CDK6: variants seen among roughly 807,000 people sequenced by gnomAD.
The protein encoded by CDK6 is cyclin dependent kinase 6.
Under a neutral mutation model 37.1 loss-of-function variants are expected in CDK6, and 6 were observed. The ratio of observed to expected loss-of-function variants is 0.16; its 90% CI spans 0.09 to 0.32. The LOEUF is 0.32. CDK6 is among the 10% of genes least tolerant of loss of function. The pLI is 1.00. For missense variants in CDK6, 224 were observed against 418.9 expected, an observed-to-expected ratio of 0.53 and a Z score of 4.06; for synonymous variants, 160 against 161.3, an observed-to-expected ratio of 0.99 and a Z score of 0.06.
chr7:92,796,979 G>A (rs1226736588), intron 2 of CDK6, among the ~76,000 whole-genome samples: 1 of 152,088 alleles, frequency 6.6e-6, no homozygotes, highest in African/African-American at 2.4e-5. Flanking sequence ...TGGGGATGAG[G>A]ATGATCTACC....
chr7:92,723,441 T>C (rs553430394), intron 4 of CDK6, among the ~76,000 whole-genome samples: 2 of 152,136 alleles, frequency 1.3e-5, no homozygotes, highest in Middle Eastern at 3.4e-3. Flanking sequence ...GGAAGAGGAG[T>C]GTAGTCTTTT....
intron 2 of CDK6, among the ~76,000 whole-genome samples, chr7:92,777,351 G>A (rs1284436266): frequency 6.6e-6 from 1 of 152,170 alleles, no homozygotes; most frequent in African/African-American, 2.4e-5. Flanking sequence ...TCCTGCCTCA[G>A]CCAAGTACTA....
intron 5 of CDK6, among the ~76,000 whole-genome samples, chr7:92,631,925 G>A (rs982548586): frequency 2.0e-5 from 3 of 152,096 alleles, no homozygotes; most frequent in African/African-American, 7.2e-5. Flanking sequence ...ATTGATACAA[G>A]GAATAAAAAT....
At chr7:92,765,356 A>G (rs1245946627) in intron 3 of CDK6, among the ~76,000 whole-genome samples, 1 of 152,156 alleles carries the variant, frequency 6.6e-6, no homozygotes, top group Non-Finnish European at 1.5e-5. Context: ...TAAGGAGAAT[A>G]TATCTTATAG....
At chr7:92,748,955 A>T (rs1436485253) in intron 3 of CDK6, among the ~76,000 whole-genome samples, 1 of 152,116 alleles carries the variant, frequency 6.6e-6, no homozygotes, top group South Asian at 2.1e-4. Flanking sequence ...TAATCCCAGC[A>T]TGTGGGAGGC....
chr7:92,739,462 G>GTATTTCT (rs1798867722), intron 3 of CDK6, among the ~76,000 whole-genome samples: 1 of 152,174 alleles, frequency 6.6e-6, no homozygotes, highest in Non-Finnish European at 1.5e-5. Context: ...CCTTCCATCT[G>GTATTTCT]TATTTCTTAT....
chr7:92,673,307 G>A (rs534058510), intron 4 of CDK6, among the ~76,000 whole-genome samples: 2 of 152,314 alleles, frequency 1.3e-5, no homozygotes, highest in Admixed American at 6.5e-5. Context: ...GTCTTTAGAT[G>A]ATTATATGGC....
chr7:92,813,336 A>T (rs1001760428), intron 2 of CDK6, among the ~76,000 whole-genome samples: 7 of 149,246 alleles, frequency 4.7e-5, no homozygotes, highest in Admixed American at 3.3e-4. Context: ...GCTTGCTTTT[A>T]AAAAAAAAAT....
chr7:92,826,139 CACTT>C (rs1230864440), intron 2 of CDK6, among the ~76,000 whole-genome samples: 1 of 151,994 alleles, frequency 6.6e-6, no homozygotes, highest in African/African-American at 2.4e-5. Flanking sequence ...TGATTTCACT[CACTT>C]GTTACGTATT....
chr7:92,626,484 A>G (rs1430752746), intron 5 of CDK6, among the ~76,000 whole-genome samples: 1 of 152,112 alleles, frequency 6.6e-6, no homozygotes, highest in Non-Finnish European at 1.5e-5. Context: ...GAAGTAAAGT[A>G]ACATCTAAGG....
chr7:92,684,553 T>A (rs1411661709), intron 4 of CDK6, among the ~76,000 whole-genome samples: 1 of 152,158 alleles, frequency 6.6e-6, no homozygotes, highest in Non-Finnish European at 1.5e-5. Context: ...GGCATGTCTA[T>A]GCTGTTCCCT....
intron 2 of CDK6, among the ~76,000 whole-genome samples, chr7:92,819,052 T>G (rs1247865762): frequency 6.6e-6 from 1 of 152,078 alleles, no homozygotes; most frequent in African/African-American, 2.4e-5. Context: ...GTCAGCAATC[T>G]ACCTGTAGGT....
chr7:92,780,763 CA>C lies in CDK6; in HGVS notation c.234-5933del, dbSNP rs1190033630. Among the ~76,000 whole-genome samples, 312 of 47,878 alleles carry C rather than the reference CA, an allele frequency of 6.5e-3. No homozygotes were observed. The Middle Eastern group carries it at 0.11, about 17-fold the overall frequency. The allele number at this position is 47,878 out of a possible 152,430, so 31.4% of individuals were successfully genotyped here. A position where few individuals can be genotyped will look rare whatever the true frequency, so the allele number is the denominator to read the frequency against. ...CTGGGCAATGAGCGAGACTCCATCT[CA>C]AAAAAAAAAAAAAAACAAAAAAACA... On this transcript the variant is annotated intron_variant, in intron 2 of 7. Coordinates refer to ENST00000424848, the MANE Select transcript of CDK6 (RefSeq NM_001145306.2).
At position 92,608,899 on chromosome 7, in the gene CDK6, C is replaced by G. The variant is rs779548814; in HGVS notation, c.*6241G>C. 1 of 232,644 alleles carries G rather than the reference C, an allele frequency of 4.3e-6. No individual in the cohort carries two copies. Among genetic ancestry groups the G allele is most frequent in the Non-Finnish European group, 8.5e-6 (1 of 117,640 alleles). 14.4% of individuals were successfully genotyped at this position (232,644 alleles called of 1,614,324 possible). A position where few individuals can be genotyped will look rare whatever the true frequency, so the allele number is the denominator to read the frequency against. On this transcript the variant is annotated 3_prime_UTR_variant, in exon 8 of 8. Coordinates refer to ENST00000424848, the MANE Select transcript of CDK6 (RefSeq NM_001145306.2). Reference sequence around the variant, plus strand: ...GGGCGGGGCAACGAGGCAGCGCGCCCGGAAGGCTTTCAAGTGGGAATCAAG... The same window carrying G: ...GGGCGGGGCAACGAGGCAGCGCGCCGGGAAGGCTTTCAAGTGGGAATCAAG...
At chr7:92,730,465 G>A (rs1364892252) in intron 3 of CDK6, among the ~76,000 whole-genome samples, 1 of 152,122 alleles carries the variant, frequency 6.6e-6, no homozygotes, top group East Asian at 1.9e-4. Flanking sequence ...ATTAAGGTGA[G>A]GGTTACGATT....
rs1795444614 is a variant in CDK6, at chr7:92,607,026, CTTT to C, written c.*8111_*8113del. ...TAATAAATTATACAGGCAATCCTTG[CTTT>C]TTATTACCACACTGGATTGCTTCTG... On this transcript the variant is annotated 3_prime_UTR_variant, in exon 8 of 8. Transcript: ENST00000424848. 2 of 233,178 alleles carry C rather than the reference CTTT, an allele frequency of 8.6e-6. No individual in the cohort carries two copies. Among genetic ancestry groups the C allele is most frequent in the Non-Finnish European group, 1.7e-5 (2 of 117,970 alleles). The allele number at this position is 233,178 out of a possible 1,614,324, so 14.4% of individuals were successfully genotyped here. A position where few individuals can be genotyped will look rare whatever the true frequency, so the allele number is the denominator to read the frequency against.
chr7:92,664,470 T>A lies in CDK6; in HGVS notation c.647+6956A>T, dbSNP rs186008245. 1.5e-3 allele frequency among the ~76,000 whole-genome samples: 227 copies of A among 152,288 alleles called. 1 individual carries two copies. Among genetic ancestry groups the A allele is most frequent in the Admixed American group, 2.7e-3 (41 of 15,296 alleles). ...AAATTGGCAAGGTAGTCAGTGACAT[T>A]TTAAAGACATTTGCTCACTGACCAC... On this transcript the variant is annotated intron_variant, in intron 5 of 7. Transcript: ENST00000424848.
At chr7:92,684,927 C>T (rs1349750681) in intron 4 of CDK6, among the ~76,000 whole-genome samples, 7 of 151,632 alleles carry the variant, frequency 4.6e-5, no homozygotes, top group African/African-American at 1.5e-4. Flanking sequence ...ATGGACTCGA[C>T]GACATTATCT....
intron 4 of CDK6, among the ~76,000 whole-genome samples, chr7:92,706,794 A>C (rs925945740): frequency 6.6e-6 from 1 of 152,246 alleles, no homozygotes; most frequent in East Asian, 1.9e-4. Context: ...ACACTGATTC[A>C]TTCTTAGATT....
Sources: allele counts gnomAD v4.1 joint callset (sites outside exome capture counted in the v4.1 genomes callset), GRCh38; gene constraint gnomAD v4.1.1; transcripts MANE v1.5; gene names NCBI Gene and HGNC (gene_info 2026-07-23, HGNC 2026-07-21).